The following MYH10 variants were observed in gnomAD, a reference collection of about 807,000 sequenced individuals.
The protein encoded by MYH10 is myosin heavy chain 10.
In MYH10, 55 loss-of-function variants were observed where a neutral mutation model predicts 257.8. That is an observed-to-expected ratio of 0.21 (90% CI 0.17 to 0.27). The LOEUF (loss-of-function observed/expected upper bound fraction) is 0.27, where lower values mean the gene tolerates loss of function less well. MYH10 is among the 10% of genes least tolerant of loss of function. The pLI, the probability that MYH10 is intolerant of heterozygous loss-of-function variation, is 1.00. For synonymous variants in MYH10, 854 were observed against 921.7 expected, an observed-to-expected ratio of 0.93 and a Z score of 1.33; for missense variants, 1,631 against 2,500.6, an observed-to-expected ratio of 0.65 and a Z score of 7.42.
chr17:8,528,471 T>C (rs2081919404), intron 17 of MYH10, among the ~76,000 whole-genome samples: 1 of 152,234 alleles, frequency 6.6e-6, no homozygotes, highest in African/African-American at 2.4e-5. Context: ...TATTTGCCTC[T>C]AGGAATCCTA....
In MYH10 at chr17:8,576,655, T is replaced by C. The variant is rs1340281079; in HGVS notation, c.651A>G (p.Pro217=). The C allele has an allele frequency of 6.4e-7, 1 of 1,550,866 alleles. No homozygotes were observed. The highest frequency in any genetic ancestry group is 2.4e-5 in the East Asian group (1 of 40,920). ...GAAGAGCACTTGCCTGGTGTTTCAC[T>C]GGTTTAGGCGATTCCTGCTGTTCAT... ...DHNIPQESPK[P]VKHQGELERQ... The change falls in exon 6 of 43, where the codon CCA becomes CCG. Residue 217 remains proline, a synonymous_variant. Transcript: ENST00000360416.
chr17:8,564,710 A>C lies in MYH10; in HGVS notation c.756+5010T>G, dbSNP rs572806657. 9.2e-5 allele frequency among the ~76,000 whole-genome samples: 14 copies of C among 152,204 alleles called. 1 individual carries two copies. The highest frequency in any genetic ancestry group is 1.9e-4 in the Non-Finnish European group (13 of 68,028). On this transcript the variant is annotated intron_variant, in intron 7 of 42. Transcript: ENST00000360416. ...TCAGTAAATGAATTCCATAAAATCC[A>C]TAAATATACCTGTGGGGCACTATGC...
At chr17:8,491,413 ATGGGGCTAGTCCC>A (rs1915760251) in intron 34 of MYH10, among the ~76,000 whole-genome samples, 1 of 152,152 alleles carries the variant, frequency 6.6e-6, no homozygotes, top group South Asian at 2.1e-4. Flanking sequence ...CTTTTTGTCC[ATGGGGCTAGTCCC>A]TGGGCGCCAA....
At chr17:8,493,337 C>G (rs1470595429) in intron 32 of MYH10, among the ~76,000 whole-genome samples, 1 of 148,346 alleles carries the variant, frequency 6.7e-6, no homozygotes, top group Non-Finnish European at 1.5e-5. Flanking sequence ...AAGTGAGACT[C>G]TATCTCAAGG....
intron 2 of MYH10, among the ~76,000 whole-genome samples, chr17:8,608,734 C>A (rs1178768879): frequency 6.6e-6 from 1 of 152,174 alleles, no homozygotes; most frequent in Non-Finnish European, 1.5e-5. Flanking sequence ...CACTATGCTG[C>A]TTTATGCCTC....
rs546922445 is a variant in MYH10, at chr17:8,558,848, CATTTT to C, written c.757-4835_757-4831del. ...GAATGGTCAACCCAATGACTTCTCT[CATTTT>C]ATATTATCTATTTCCTTCTAACAAT... On this transcript the variant is annotated intron_variant, in intron 7 of 42. Transcript: ENST00000360416. Among the ~76,000 whole-genome samples the C allele has an allele frequency of 1.1e-3, 174 of 152,346 alleles. 2 individuals carry two copies. The highest frequency in any genetic ancestry group is 3.8e-3 in the African/African-American group (159 of 41,588).
At chr17:8,596,400 C>T (rs936217920) in intron 3 of MYH10, among the ~76,000 whole-genome samples, 7 of 152,126 alleles carry the variant, frequency 4.6e-5, no homozygotes, top group African/African-American at 7.2e-5. Context: ...GGTGATCCAC[C>T]TGCCTCAGCC....
At chr17:8,514,669 A>G (rs934406344) in intron 21 of MYH10, among the ~76,000 whole-genome samples, 1 of 151,176 alleles carries the variant, frequency 6.6e-6, no homozygotes, top group Non-Finnish European at 1.5e-5. Context: ...AATGAAGCTC[A>G]TTACCTTGCG....
intron 6 of MYH10, among the ~76,000 whole-genome samples, chr17:8,570,503 A>C (rs2083299414): frequency 1.3e-5 from 2 of 152,238 alleles, no homozygotes; most frequent in South Asian, 2.1e-4. Context: ...CATGAAACAC[A>C]ATAGAAAGCT....
intron 42 of MYH10, among the ~76,000 whole-genome samples, chr17:8,476,641 C>G (rs1912674062): frequency 6.6e-6 from 1 of 152,200 alleles, no homozygotes; most frequent in Admixed American, 6.5e-5. Context: ...CAGCTCCAGC[C>G]TGGTGTGGTG....
At chr17:8,491,790 G>A (rs1164316120) in intron 34 of MYH10, among the ~76,000 whole-genome samples, 1 of 152,176 alleles carries the variant, frequency 6.6e-6, no homozygotes, top group Non-Finnish European at 1.5e-5. Flanking sequence ...TGTGGAAGAT[G>A]TATGCAATGG....
chr17:8,514,665 G>A (rs528182665), intron 21 of MYH10, among the ~76,000 whole-genome samples: 87 of 148,148 alleles, frequency 5.9e-4, no homozygotes, highest in Non-Finnish European at 1.9e-4. Context: ...CCCAAATGAA[G>A]CTCATTACCT....
In MYH10 at chr17:8,508,624, T is replaced by G; in HGVS notation, c.3144A>C (p.Glu1048Asp). 6.2e-7 allele frequency: 1 copy of G among 1,614,136 alleles called. No homozygotes were observed. Residue 1048 changes from glutamate to aspartate, a missense_variant, in exon 26 of 43, where the codon GAA (glutamate) becomes GAC (aspartate). Glu to Asp is a conservative substitution (Grantham distance 45). Around this residue, in one of 11 missense-constraint regions of MYH10, gnomAD observed 169 missense variants for 249.8 expected, o/e 0.68. Coordinates refer to ENST00000360416, the MANE Select transcript of MYH10 (RefSeq NM_001256012.3). ...RIAECSSQLAEEEEKAKNLAK... is the reference protein window; with the variant it reads ...RIAECSSQLADEEEKAKNLAK... ...CCAAGTTTTTCGCCTTTTCTTCCTC[T>G]TCAGCCAGCTGAGAGGAACACTCAG...
intron 17 of MYH10, among the ~76,000 whole-genome samples, chr17:8,524,556 T>A (rs1180771235): frequency 6.6e-6 from 1 of 151,048 alleles, no homozygotes; most frequent in African/African-American, 2.4e-5. Flanking sequence ...CTCTGTCCTG[T>A]TCTTCCTCCT....
At chr17:8,548,869 T>A in intron 9 of MYH10, 82 bp from the exon 10 acceptor site, 1 of 1,273,274 alleles carries the variant, frequency 7.9e-7, no homozygotes, top group Non-Finnish European at 1.1e-6. Context: ...ACTGTGCCAG[T>A]GTCACAGGAG....
intron 17 of MYH10, among the ~76,000 whole-genome samples, chr17:8,525,800 T>C (rs186597398): frequency 1.5e-3 from 227 of 152,334 alleles, no homozygotes; most frequent in Non-Finnish European, 2.6e-3. Flanking sequence ...GTTCTTGTTT[T>C]TTGTTTTTTT....
intron 9 of MYH10, among the ~76,000 whole-genome samples, chr17:8,550,605 C>T (rs1421297506): frequency 6.6e-6 from 1 of 151,936 alleles, no homozygotes; most frequent in Non-Finnish European, 1.5e-5. Context: ...AAGTGAGGAG[C>T]CCCTCTGCCC....
intron 3 of MYH10, among the ~76,000 whole-genome samples, chr17:8,595,736 A>G (rs1394199670): frequency 6.6e-6 from 1 of 151,894 alleles, no homozygotes; most frequent in Non-Finnish European, 1.5e-5. Context: ...CGGCCCAAGA[A>G]CAGTTGTTTA....
intron 3 of MYH10, among the ~76,000 whole-genome samples, chr17:8,590,360 T>C (rs980600977): frequency 6.6e-6 from 1 of 152,200 alleles, no homozygotes; most frequent in African/African-American, 2.4e-5. Context: ...TTGCCCAGGC[T>C]GGAGTGCAGT....
Sources: allele counts gnomAD v4.1 joint callset (sites outside exome capture counted in the v4.1 genomes callset), GRCh38; gene constraint gnomAD v4.1.1; regional missense constraint gnomAD v4.1.1; transcripts MANE v1.5; gene names NCBI Gene and HGNC (gene_info 2026-07-23, HGNC 2026-07-21).